The following PTPRD variants were observed in gnomAD, a reference collection of about 807,000 sequenced individuals.
PTPRD encodes receptor-type tyrosine-protein phosphatase delta.
In PTPRD, 34 loss-of-function variants were observed where a neutral mutation model predicts 214.5. The ratio of observed to expected loss-of-function variants is 0.16; its 90% CI spans 0.12 to 0.21. PTPRD has a LOEUF of 0.21. Ranked by LOEUF, PTPRD falls within the 10% of genes least tolerant of loss-of-function variation. The pLI is 1.00. For synonymous variants in PTPRD, 1,128 were observed against 845.7 expected (o/e 1.33, Z -5.79); for missense variants, 2,545 against 2,398.7 (o/e 1.06, Z -1.27).
chr9:8,327,744 G>A (rs758959086), intron 44 of PTPRD, among the ~76,000 whole-genome samples: 4 of 152,132 alleles, frequency 2.6e-5, no homozygotes, highest in African/African-American at 4.8e-5. Flanking sequence ...TATATATTTA[G>A]GATACTTAGC....
intron 11 of PTPRD, among the ~76,000 whole-genome samples, chr9:8,997,787 A>G (rs1307434736): frequency 6.6e-6 from 1 of 152,086 alleles, no homozygotes; most frequent in Non-Finnish European, 1.5e-5. Context: ...AGCTAGTCAA[A>G]CTGTGAATGC....
At chr9:9,419,833 C>T (rs1414151739) in intron 8 of PTPRD, among the ~76,000 whole-genome samples, 2 of 151,618 alleles carry the variant, frequency 1.3e-5, no homozygotes, top group East Asian at 3.9e-4. Context: ...ACATATTAAA[C>T]ACTTAATATC....
chr9:9,988,978 C>G (rs1204957127), intron 4 of PTPRD, among the ~76,000 whole-genome samples: 1 of 133,760 alleles, frequency 7.5e-6, no homozygotes, highest in East Asian at 2.2e-4. Context: ...CAATGTCTCT[C>G]TCTCCCAAAC....
intron 43 of PTPRD, among the ~76,000 whole-genome samples, chr9:8,333,545 C>A (rs1304335833): frequency 3.3e-5 from 5 of 152,104 alleles, no homozygotes; most frequent in Non-Finnish European, 1.5e-5. Context: ...ACAAGAGCTC[C>A]TGAAGGAAGC....
chr9:8,331,868 A>AAATAGAAACTTAGTTATGGTTT, intron 43 of PTPRD, 132 bp from the exon 44 acceptor site: 2 of 1,064,334 alleles, frequency 1.9e-6, no homozygotes, highest in South Asian at 3.8e-5. Context: ...GAACATGTTT[A>AAATAGAAACTTAGTTATGGTTT]AATAGAAACT....
intron 35 of PTPRD, among the ~76,000 whole-genome samples, chr9:8,419,282 T>C (rs907015397): frequency 1.3e-5 from 2 of 150,506 alleles, no homozygotes; most frequent in African/African-American, 2.4e-5. Flanking sequence ...AATCAAGCTA[T>C]TCAATAAAAG....
intron 29 of PTPRD, among the ~76,000 whole-genome samples, chr9:8,484,710 C>T (rs187233636): frequency 2.1e-5 from 3 of 143,766 alleles, no homozygotes; most frequent in East Asian, 2.0e-4. Flanking sequence ...TACGTTTCAA[C>T]GTATTATGAA....
chr9:9,092,560 T>G (rs958669784), intron 10 of PTPRD, among the ~76,000 whole-genome samples: 2 of 152,020 alleles, frequency 1.3e-5, no homozygotes, highest in Admixed American at 1.3e-4. Flanking sequence ...ACTTATAACA[T>G]ATGAAAAAGT....
intron 11 of PTPRD, among the ~76,000 whole-genome samples, chr9:8,918,260 C>T (rs1311154495): frequency 1.3e-5 from 2 of 152,142 alleles, no homozygotes; most frequent in African/African-American, 4.8e-5. Flanking sequence ...TGAAATCAAA[C>T]TCTTAAAATA....
chr9:10,437,239 A>G (rs1349681083), intron 2 of PTPRD, among the ~76,000 whole-genome samples: 1 of 151,896 alleles, frequency 6.6e-6, no homozygotes, highest in Admixed American at 6.6e-5. Context: ...ATCTTTTAAC[A>G]GAAAGCACTA....
intron 3 of PTPRD, among the ~76,000 whole-genome samples, chr9:10,155,778 A>C (rs374710149): frequency 5.3e-5 from 8 of 152,156 alleles, no homozygotes; most frequent in East Asian, 3.9e-4. Context: ...CCAATCTTGC[A>C]TCCCAGAGAT....
intron 3 of PTPRD, among the ~76,000 whole-genome samples, chr9:10,083,502 T>C (rs915480113): frequency 6.6e-6 from 1 of 152,074 alleles, no homozygotes; most frequent in African/African-American, 2.4e-5. Flanking sequence ...AGCTAATTTT[T>C]ATCAGCAAAT....
intron 8 of PTPRD, among the ~76,000 whole-genome samples, chr9:9,464,135 C>T (rs572829103): frequency 1.3e-5 from 2 of 152,288 alleles, no homozygotes; most frequent in East Asian, 1.9e-4. Flanking sequence ...TTTAATAAAG[C>T]CTCCATTCCA....
chr9:8,514,763 G>C (rs758598581), intron 21 of PTPRD, among the ~76,000 whole-genome samples: 9 of 152,108 alleles, frequency 5.9e-5, no homozygotes, highest in Non-Finnish European at 1.3e-4. Flanking sequence ...AATGGTAGTT[G>C]ATAATGATTA....
chr9:10,105,377 A>G (rs530340867), intron 3 of PTPRD, among the ~76,000 whole-genome samples: 10 of 152,008 alleles, frequency 6.6e-5, no homozygotes, highest in African/African-American at 2.4e-4. Flanking sequence ...ATTTTTAATA[A>G]GAATAGTTAG....
intron 11 of PTPRD, among the ~76,000 whole-genome samples, chr9:8,990,552 C>T (rs543864415): frequency 3.3e-5 from 5 of 152,224 alleles, no homozygotes. Flanking sequence ...CCTCATTCTG[C>T]CCCATGGCAA....
At chr9:8,748,969 C>T (rs926346098) in intron 11 of PTPRD, among the ~76,000 whole-genome samples, 1 of 151,962 alleles carries the variant, frequency 6.6e-6, no homozygotes, top group Admixed American at 6.6e-5. Flanking sequence ...TACACTCCAT[C>T]ACACAAATTT....
intron 11 of PTPRD, among the ~76,000 whole-genome samples, chr9:8,894,519 TG>T (rs755693555): frequency 1.3e-5 from 2 of 151,940 alleles, no homozygotes; most frequent in Admixed American, 6.6e-5. Context: ...ATGTGGGGGT[TG>T]GGGGGTGCTT....
At chr9:9,151,450 G>A (rs1024113087) in intron 10 of PTPRD, among the ~76,000 whole-genome samples, 20 of 152,130 alleles carry the variant, frequency 1.3e-4, no homozygotes, top group African/African-American at 3.1e-4. Flanking sequence ...GCAGGCAGGC[G>A]TCTGGGGATG....
Sources: gnomAD v4.1 joint callset for allele counts (sites outside exome capture counted in the v4.1 genomes callset) on GRCh38, gnomAD v4.1.1 for gene constraint, MANE v1.5 for transcripts, NCBI Gene and HGNC (gene_info 2026-07-23, HGNC 2026-07-21) for gene names.